The following FBXL17 variants were observed in gnomAD, a reference collection of about 807,000 sequenced individuals.
The protein encoded by FBXL17 is F-box/LRR-repeat protein 17.
In FBXL17, 22 loss-of-function variants were observed where a neutral mutation model predicts 66.2. The observed-to-expected ratio is 0.33, with a 90% confidence interval of 0.24 to 0.47. The LOEUF is 0.47. Ranked by LOEUF, FBXL17 falls within the 20% of genes least tolerant of loss-of-function variation. FBXL17 has a pLI of 1.00. For synonymous variants in FBXL17, 474 were observed against 400.5 expected, an observed-to-expected ratio of 1.18 and a Z score of -2.19; for missense variants, 878 against 948.2, an observed-to-expected ratio of 0.93 and a Z score of 0.97.
At chr5:108,052,844 C>G (rs1747536170) in intron 6 of FBXL17, among the ~76,000 whole-genome samples, 1 of 152,158 alleles carries the variant, frequency 6.6e-6, no homozygotes, top group African/African-American at 2.4e-5. Flanking sequence ...GGTACCAAAA[C>G]AGACAAATAG....
At chr5:108,011,479 G>A (rs1398699033) in intron 7 of FBXL17, among the ~76,000 whole-genome samples, 1 of 152,072 alleles carries the variant, frequency 6.6e-6, no homozygotes, top group Non-Finnish European at 1.5e-5. Flanking sequence ...ACTTCTCAGA[G>A]AACATTCTTG....
At chr5:108,378,346 GT>G (rs1749597657) in intron 1 of FBXL17, among the ~76,000 whole-genome samples, 2 of 150,010 alleles carry the variant, frequency 1.3e-5, no homozygotes, top group African/African-American at 4.9e-5. Context: ...TTTTTGTTTT[GT>G]TTTGTTTTGT....
chr5:107,864,130 T>G (rs186096046), intron 8 of FBXL17, among the ~76,000 whole-genome samples: 198 of 152,318 alleles, frequency 1.3e-3, no homozygotes, highest in African/African-American at 4.5e-3. Flanking sequence ...AGCGATTAAA[T>G]ATAATAATAT....
At position 108,380,806 on chromosome 5, in the gene FBXL17, C is replaced by T; in HGVS notation, c.886G>A (p.Gly296Ser). 4.0e-6 allele frequency: 5 copies of T among 1,248,198 alleles called. No individual in the cohort carries two copies. The highest frequency in any genetic ancestry group is 5.1e-6 in the Non-Finnish European group (5 of 988,152). The allele number at this position is 1,248,198 out of a possible 1,614,324, so 77.3% of individuals were successfully genotyped here. Reference sequence around the variant, plus strand: ...GGGGACTCCCGACAGTCCGCGTCGCCACATTCATGCTGCTGCTGGGCGGAC... The same window carrying T: ...GGGGACTCCCGACAGTCCGCGTCGCTACATTCATGCTGCTGCTGGGCGGAC... Reference protein sequence around the residue: ...PLSAQQQHECGDADCRESPEN... With the variant: ...PLSAQQQHECSDADCRESPEN... Residue 296 changes from glycine to serine, a missense_variant, in exon 1 of 9, where the codon GGC becomes AGC. Physicochemically the swap from Gly to Ser is moderately conservative, Grantham distance 56. Transcript: ENST00000542267.
intron 4 of FBXL17, among the ~76,000 whole-genome samples, chr5:108,329,251 A>G (rs1760004509): frequency 1.3e-5 from 2 of 152,156 alleles, no homozygotes; most frequent in Admixed American, 1.3e-4. Flanking sequence ...AAGTTATTCT[A>G]TAATAAAGAT....
chr5:108,035,747 GT>G (rs1746817981), intron 6 of FBXL17, among the ~76,000 whole-genome samples: 1 of 152,070 alleles, frequency 6.6e-6, no homozygotes, highest in African/African-American at 2.4e-5. Context: ...ATTGAGCCTT[GT>G]TTCCAATGCC....
intron 4 of FBXL17, among the ~76,000 whole-genome samples, chr5:108,336,083 C>A (rs1187090844): frequency 6.6e-6 from 1 of 152,098 alleles, no homozygotes; most frequent in Non-Finnish European, 1.5e-5. Flanking sequence ...CTTGGACATT[C>A]TTTTCCCATT....
chr5:108,127,250 T>C (rs1231891068), intron 6 of FBXL17, among the ~76,000 whole-genome samples: 3 of 152,132 alleles, frequency 2.0e-5, no homozygotes, highest in Non-Finnish European at 4.4e-5. Flanking sequence ...CTCACTATAG[T>C]AGAAATTAAG....
chr5:108,134,394 A>G (rs1751051774), intron 6 of FBXL17, among the ~76,000 whole-genome samples: 1 of 152,310 alleles, frequency 6.6e-6, no homozygotes, highest in African/African-American at 2.4e-5. Context: ...TCTATAATTT[A>G]ATACATGAGG....
chr5:108,198,562 GA>G (rs2150046431), intron 5 of FBXL17, among the ~76,000 whole-genome samples: 1 of 152,246 alleles, frequency 6.6e-6, no homozygotes, highest in East Asian at 1.9e-4. Context: ...TTCCAGGTGA[GA>G]AAAATCTTAG....
At chr5:108,272,269 C>T (rs901084900) in intron 4 of FBXL17, among the ~76,000 whole-genome samples, 2 of 151,326 alleles carry the variant, frequency 1.3e-5, no homozygotes, top group African/African-American at 4.9e-5. Flanking sequence ...CCAACCTGGG[C>T]GACAGCAAGA....
At chr5:108,278,933 A>C (rs1165199605) in intron 4 of FBXL17, among the ~76,000 whole-genome samples, 1 of 152,178 alleles carries the variant, frequency 6.6e-6, no homozygotes, top group East Asian at 1.9e-4. Flanking sequence ...AGGGTCCTAA[A>C]GGTTACAAAC....
At chr5:108,213,480 G>A (rs1580626484) in intron 5 of FBXL17, among the ~76,000 whole-genome samples, 2 of 152,196 alleles carry the variant, frequency 1.3e-5, no homozygotes, top group African/African-American at 2.4e-5. Flanking sequence ...TGGGACAAGC[G>A]CAGTATCTGT....
intron 5 of FBXL17, among the ~76,000 whole-genome samples, chr5:108,215,142 T>C (rs907003401): frequency 5.3e-5 from 8 of 152,236 alleles, no homozygotes; most frequent in South Asian, 2.1e-4. Flanking sequence ...TTCCACATTT[T>C]AGCTGTTGTG....
chr5:108,312,454 T>C (rs762332392), intron 4 of FBXL17, among the ~76,000 whole-genome samples: 12 of 152,108 alleles, frequency 7.9e-5, no homozygotes, highest in Non-Finnish European at 1.3e-4. Context: ...GCCCCAATAG[T>C]AGGGAGAGTA....
chr5:107,906,983 C>T (rs1454313091), intron 7 of FBXL17, among the ~76,000 whole-genome samples: 2 of 152,168 alleles, frequency 1.3e-5, no homozygotes, highest in African/African-American at 2.4e-5. Flanking sequence ...CAAGGGCAGA[C>T]ATTTTCTAGT....
intron 4 of FBXL17, among the ~76,000 whole-genome samples, chr5:108,248,582 A>G (rs944888919): frequency 2.0e-5 from 3 of 152,186 alleles, no homozygotes; most frequent in African/African-American, 7.2e-5. Context: ...GGTAAAAGAC[A>G]TAAACCTACA....
chr5:107,883,370 C>A (rs1173872798), intron 7 of FBXL17, among the ~76,000 whole-genome samples: 1 of 152,098 alleles, frequency 6.6e-6, no homozygotes, highest in Non-Finnish European at 1.5e-5. Context: ...TTCTGATAGG[C>A]CATGCCACCA....
At chr5:108,326,657 T>C (rs1323541920) in intron 4 of FBXL17, among the ~76,000 whole-genome samples, 3 of 151,834 alleles carry the variant, frequency 2.0e-5, no homozygotes, top group East Asian at 3.9e-4. Context: ...AAAGAAGAGA[T>C]AGGAAAGCCT....
Sources: allele counts gnomAD v4.1 joint callset (sites outside exome capture counted in the v4.1 genomes callset), GRCh38; gene constraint gnomAD v4.1.1; transcripts MANE v1.5; gene names NCBI Gene and HGNC (gene_info 2026-07-23, HGNC 2026-07-21).